The following ANKRD55 variants were observed in gnomAD, a reference collection of about 807,000 sequenced individuals.
ANKRD55 encodes the protein ankyrin repeat domain 55.
A neutral mutation model predicts 60.6 loss-of-function variants in ANKRD55; 41 were observed. The observed-to-expected ratio is 0.68, with a 90% confidence interval of 0.53 to 0.88. The LOEUF is 0.88. Among genes scored for constraint, ANKRD55 ranks in the 40% least tolerant of loss-of-function variants. The pLI is 0.00. For synonymous variants in ANKRD55, 264 were observed against 290.3 expected (o/e 0.91, Z 0.92); for missense variants, 732 against 767.6 (o/e 0.95, Z 0.55).
At chr5:56,142,713 T>C (rs957948034) in intron 7 of ANKRD55, among the ~76,000 whole-genome samples, 1 of 152,190 alleles carries the variant, frequency 6.6e-6, no homozygotes, top group Non-Finnish European at 1.5e-5. Flanking sequence ...TGGTGACCCC[T>C]GACCAGCCAG....
chr5:56,172,234 A>G (rs77106813), intron 4 of ANKRD55, among the ~76,000 whole-genome samples: 6,066 of 152,304 alleles, frequency 0.04, 148 homozygotes, highest in East Asian at 0.066. Context: ...ACAAAAATGC[A>G]TCAAAATTCA....
intron 2 of ANKRD55, among the ~76,000 whole-genome samples, chr5:56,232,285 T>C (rs1219797914): frequency 6.6e-6 from 1 of 152,164 alleles, no homozygotes; most frequent in African/African-American, 2.4e-5. Context: ...GTAAGGAAGA[T>C]ATACCCTGGC....
intron 7 of ANKRD55, among the ~76,000 whole-genome samples, chr5:56,137,804 T>C (rs1286993381): frequency 1.3e-5 from 2 of 152,162 alleles, no homozygotes; most frequent in East Asian, 3.8e-4. Context: ...TGCCAAAATA[T>C]GCAAAGAACT....
rs1226648878 is a variant in ANKRD55, at chr5:56,226,827, G to A, written c.58+6029C>T. On this transcript the variant is annotated intron_variant, in intron 2 of 11. Coordinates refer to ENST00000341048, the MANE Select transcript of ANKRD55 (RefSeq NM_024669.3). ...CAGTTAGAATGGCAATCATTAACAAGTCAGGAAACAACAGGTGCTGGAGAG... is the reference window on the plus strand; with the variant it reads ...CAGTTAGAATGGCAATCATTAACAAATCAGGAAACAACAGGTGCTGGAGAG... Among the ~76,000 whole-genome samples, 18 of 152,276 alleles carry A rather than the reference G, an allele frequency of 1.2e-4. No homozygotes were observed. The South Asian group carries it at 3.1e-3, about 26-fold the overall frequency.
At chr5:56,180,670 AT>A (rs1438337296) in intron 3 of ANKRD55, among the ~76,000 whole-genome samples, 2 of 152,168 alleles carry the variant, frequency 1.3e-5, no homozygotes, top group Non-Finnish European at 2.9e-5. Context: ...TACATATTTT[AT>A]TGTATTTGCA....
At chr5:56,134,924 G>C (rs1212015714) in intron 7 of ANKRD55, among the ~76,000 whole-genome samples, 1 of 152,166 alleles carries the variant, frequency 6.6e-6, no homozygotes, top group Non-Finnish European at 1.5e-5. Flanking sequence ...ATTTATCCAA[G>C]GTATGCAAGT....
chr5:56,133,270 C>T (rs903117131), intron 7 of ANKRD55, among the ~76,000 whole-genome samples: 3 of 152,038 alleles, frequency 2.0e-5, no homozygotes, highest in African/African-American at 7.2e-5. Context: ...GAAACCCCAT[C>T]TCTACTAAAA....
chr5:56,178,320 A>G (rs1488371821), intron 3 of ANKRD55, among the ~76,000 whole-genome samples: 1 of 151,612 alleles, frequency 6.6e-6, no homozygotes, highest in African/African-American at 2.4e-5. Flanking sequence ...GTCTCAACGT[A>G]CGGGGATTAC....
chr5:56,155,817 T>C (rs1758178434), intron 6 of ANKRD55, among the ~76,000 whole-genome samples: 1 of 146,944 alleles, frequency 6.8e-6, no homozygotes, highest in South Asian at 2.2e-4. Context: ...ACCACTGCAC[T>C]GTAGCCTGGG....
At chr5:56,184,015 T>G (rs1758911365) in intron 2 of ANKRD55, among the ~76,000 whole-genome samples, 1 of 152,152 alleles carries the variant, frequency 6.6e-6, no homozygotes, top group African/African-American at 2.4e-5. Context: ...AATAACTCAG[T>G]TTACTACCTT....
At position 56,100,230 on chromosome 5, in the gene ANKRD55, C is replaced by T. The variant is rs752328910; in HGVS notation, c.1798G>A (p.Ala600Thr). Residue 600 changes from alanine to threonine, a missense_variant, in exon 12 of 12, where the codon GCA (alanine) becomes ACA (threonine). By Grantham distance (58) the Ala-to-Thr change is moderately conservative (BLOSUM62 0). Coordinates refer to ENST00000341048, the MANE Select transcript of ANKRD55 (RefSeq NM_024669.3). ...TTGGCAGAATGTTCACTCTCTTCTGCTGCTGTGCTGTGTCTTCGTTGACTT... is the reference window on the plus strand; with the variant it reads ...TTGGCAGAATGTTCACTCTCTTCTGTTGCTGTGCTGTGTCTTCGTTGACTT... The part of the protein sequence containing the change: ...IPSQRRHSTA[A>T]EESEHSANPT... The T allele has an allele frequency of 2.0e-5, 32 of 1,614,076 alleles. No individual in the cohort carries two copies. Among genetic ancestry groups the T allele is most frequent in the African/African-American group, 5.3e-5 (4 of 74,918 alleles).
chr5:56,219,649 A>G (rs894139334), intron 2 of ANKRD55, among the ~76,000 whole-genome samples: 1 of 152,232 alleles, frequency 6.6e-6, no homozygotes, highest in Non-Finnish European at 1.5e-5. Context: ...CCTGCATTAA[A>G]TGACCAACAG....
At chr5:56,219,160 C>G (rs1759897748) in intron 2 of ANKRD55, among the ~76,000 whole-genome samples, 1 of 150,300 alleles carries the variant, frequency 6.7e-6, no homozygotes, top group East Asian at 2.0e-4. Flanking sequence ...GTAATCCCAG[C>G]TATGTGGGAG....
chr5:56,170,124 C>G (rs1758575061), intron 5 of ANKRD55, among the ~76,000 whole-genome samples: 1 of 152,232 alleles, frequency 6.6e-6, no homozygotes, highest in Non-Finnish European at 1.5e-5. Flanking sequence ...CTCCCTGCTG[C>G]TGACTCCTTT....
chr5:56,211,108 CCAGT>C (rs1038411907), intron 2 of ANKRD55, among the ~76,000 whole-genome samples: 3 of 152,090 alleles, frequency 2.0e-5, no homozygotes, highest in Non-Finnish European at 2.9e-5. Flanking sequence ...TGGTAGGTCC[CCAGT>C]CAAAGTTCTT....
chr5:56,128,522 T>C (rs886510410), intron 7 of ANKRD55, among the ~76,000 whole-genome samples: 3 of 152,222 alleles, frequency 2.0e-5, no homozygotes, highest in Admixed American at 2.0e-4. Flanking sequence ...ACTCTTTTCC[T>C]TTTGTCCTAA....
At chr5:56,192,884 C>T (rs1399516605) in intron 2 of ANKRD55, 4 of 645,326 alleles carry the variant, frequency 6.2e-6, no homozygotes, top group South Asian at 1.7e-5. Flanking sequence ...TACATGGGCC[C>T]AGCGTTGTCT....
At chr5:56,170,493 A>G (rs913998344) in intron 5 of ANKRD55, among the ~76,000 whole-genome samples, 3 of 152,172 alleles carry the variant, frequency 2.0e-5, no homozygotes, top group African/African-American at 7.2e-5. Context: ...TTAGGAGACA[A>G]AACTTTTATC....
chr5:56,224,808 C>A (rs1312402454), intron 2 of ANKRD55, among the ~76,000 whole-genome samples: 1 of 152,094 alleles, frequency 6.6e-6, no homozygotes, highest in Non-Finnish European at 1.5e-5. Context: ...TTGAATAGGA[C>A]AATAATAGGC....
Sources: gnomAD v4.1 joint callset for allele counts (sites outside exome capture counted in the v4.1 genomes callset) on GRCh38, gnomAD v4.1.1 for gene constraint, MANE v1.5 for transcripts, NCBI Gene and HGNC (gene_info 2026-07-23, HGNC 2026-07-21) for gene names.